The following RAPGEF4 variants were observed in gnomAD, a reference collection of about 807,000 sequenced individuals.
The protein encoded by RAPGEF4 is RAP guanine-nucleotide-exchange factor (GEF) 4.
RAPGEF4 carries 66 observed loss-of-function variants against 147.9 expected under a neutral mutation model. The observed-to-expected ratio is 0.45, with a 90% CI of 0.37 to 0.55. The LOEUF (loss-of-function observed/expected upper bound fraction) is 0.55. Ranked by LOEUF, RAPGEF4 falls within the 20% of genes least tolerant of loss-of-function variation. The probability of loss-of-function intolerance (pLI) is 0.00; values close to 1 mark genes in which losing one functional copy is unlikely to be tolerated. For missense variants in RAPGEF4, 1,071 were observed against 1,257.3 expected (o/e 0.85, Z 2.24); for synonymous variants, 419 against 442.7 (o/e 0.95, Z 0.67).
At chr2:172,914,733 G>A (rs1047460894) in intron 4 of RAPGEF4, among the ~76,000 whole-genome samples, 1 of 152,130 alleles carries the variant, frequency 6.6e-6, no homozygotes, top group African/African-American at 2.4e-5. Flanking sequence ...ATTTTACACT[G>A]CTATAAGCAA....
chr2:172,814,588 C>A, intron 4 of RAPGEF4, 163 bp downstream of exon 4: 1 of 792,984 alleles, frequency 1.3e-6, no homozygotes. Flanking sequence ...AGTGAAAAAG[C>A]CATTTTGACA....
chr2:172,985,630 C>T (rs1262359920), intron 12 of RAPGEF4, 137 bp downstream of exon 12: 1 of 1,471,942 alleles, frequency 6.8e-7, no homozygotes, highest in African/African-American at 1.4e-5. Context: ...TCCTGTGGTA[C>T]TTTCGTTTTT....
At chr2:173,024,222 T>A (rs4991217) in intron 23 of RAPGEF4, among the ~76,000 whole-genome samples, 103,472 of 141,228 alleles carry the variant, frequency 0.73, 40,022 homozygotes, top group East Asian at 0.92. Context: ...TTTATTATTT[T>A]TTTTTTTTTT....
intron 1 of RAPGEF4, among the ~76,000 whole-genome samples, chr2:172,754,906 G>C (rs998105424): frequency 2.6e-5 from 4 of 152,102 alleles, no homozygotes; most frequent in African/African-American, 9.7e-5. Flanking sequence ...AGCTGGGCCT[G>C]GTGGCAGGCA....
At chr2:173,017,308 C>A in intron 20 of RAPGEF4, 104 bp downstream of exon 20, 1 of 1,482,988 alleles carries the variant, frequency 6.7e-7, no homozygotes, top group East Asian at 2.3e-5. Flanking sequence ...TTTTTGTAGA[C>A]GTGAAATATA....
At chr2:173,002,010 A>AAAAAAAAAAAAAAAAAAAAAAAC (rs1693980393) in intron 17 of RAPGEF4, among the ~76,000 whole-genome samples, 2 of 150,954 alleles carry the variant, frequency 1.3e-5, no homozygotes, top group African/African-American at 2.4e-5. Context: ...AAAAAAAAAA[A>AAAAAAAAAAAAAAAAAAAAAAAC]AAAAATCCAT....
chr2:172,902,553 C>T (rs1257046931), intron 4 of RAPGEF4, among the ~76,000 whole-genome samples: 1 of 152,060 alleles, frequency 6.6e-6, no homozygotes, highest in African/African-American at 2.4e-5. Context: ...TATATCTTCC[C>T]AACTCTCTCA....
chr2:173,045,655 A>G (rs1249196860), intron 29 of RAPGEF4, among the ~76,000 whole-genome samples: 1 of 152,258 alleles, frequency 6.6e-6, no homozygotes, highest in African/African-American at 2.4e-5. Flanking sequence ...TATGAGCTCC[A>G]AGGATAAATG....
intron 4 of RAPGEF4, among the ~76,000 whole-genome samples, chr2:172,851,116 T>A (rs1692771627): frequency 1.3e-5 from 2 of 152,254 alleles, no homozygotes; most frequent in Non-Finnish European, 1.5e-5. Context: ...GCTTTAGCTG[T>A]GTCCTAGAGA....
chr2:172,762,090 C>T lies in RAPGEF4; in HGVS notation c.65+26042C>T, dbSNP rs547667971. Among the ~76,000 whole-genome samples, 156 of 152,182 alleles carry T rather than the reference C, an allele frequency of 1.0e-3. 1 individual carries two copies. The highest frequency in any genetic ancestry group is 3.7e-3 in the African/African-American group (154 of 41,528). On this transcript the variant is annotated intron_variant, in intron 1 of 30. Coordinates refer to ENST00000397081, the MANE Select transcript of RAPGEF4 (RefSeq NM_007023.4). ...TGAGCCAAGATCGTGCCATGGCACT[C>T]CAGCCATGAGTGAGACTCCGTCTCA...
At chr2:173,024,082 A>G (rs1474987527) in intron 23 of RAPGEF4, among the ~76,000 whole-genome samples, 1 of 152,188 alleles carries the variant, frequency 6.6e-6, no homozygotes, top group Non-Finnish European at 1.5e-5. Context: ...AAACTTTGGA[A>G]TCACTTTTCT....
At chr2:172,821,861 C>A in intron 4 of RAPGEF4, 1 of 1,566,092 alleles carries the variant, frequency 6.4e-7, no homozygotes, top group African/African-American at 1.4e-5. Context: ...GTAGTAGACA[C>A]GAACAGGGAA....
intron 4 of RAPGEF4, among the ~76,000 whole-genome samples, chr2:172,819,465 T>TTTTTTC (rs1688838982): frequency 8.3e-6 from 1 of 120,186 alleles, no homozygotes; most frequent in Admixed American, 8.4e-5. Context: ...TTAGTTCTTT[T>TTTTTTC]TTTTTTTTTT....
intron 27 of RAPGEF4, among the ~76,000 whole-genome samples, chr2:173,034,212 C>T (rs1255654559): frequency 2.0e-5 from 3 of 152,158 alleles, no homozygotes; most frequent in African/African-American, 4.8e-5. Flanking sequence ...AGTGTAATAG[C>T]GTCCTCTCCA....
At chr2:172,786,661 G>A (rs1685236959) in intron 1 of RAPGEF4, among the ~76,000 whole-genome samples, 1 of 152,114 alleles carries the variant, frequency 6.6e-6, no homozygotes, top group Non-Finnish European at 1.5e-5. Context: ...GACTGCTTGA[G>A]GCCAGAAGTT....
Sources: gnomAD v4.1 joint callset for allele counts (sites outside exome capture counted in the v4.1 genomes callset) on GRCh38, gnomAD v4.1.1 for gene constraint, MANE v1.5 for transcripts, NCBI Gene and HGNC (gene_info 2026-07-23, HGNC 2026-07-21) for gene names.